Variants in ATP10D observed in about 807,000 individuals in gnomAD.
ATP10D encodes phospholipid-transporting ATPase VD.
ATP10D carries 89 observed loss-of-function variants against 144.8 expected under a neutral mutation model. That is an observed-to-expected ratio of 0.61 (90% confidence interval 0.52 to 0.73). The LOEUF is 0.73. Ranked by LOEUF, ATP10D falls within the 30% of genes least tolerant of loss-of-function variation. The pLI is 0.00. For synonymous variants in ATP10D, 571 were observed against 615.1 expected, an observed-to-expected ratio of 0.93 and a Z score of 1.06; for missense variants, 1,603 against 1,714.8, an observed-to-expected ratio of 0.93 and a Z score of 1.15.
In ATP10D at chr4:47,523,235, G is replaced by A; in HGVS notation, c.690+19G>A. The A allele has an allele frequency of 6.3e-7, 1 of 1,598,530 alleles. No homozygotes were observed. The highest frequency in any genetic ancestry group is 1.1e-5 in the South Asian group (1 of 90,648). On this transcript the variant is annotated intron_variant, in intron 4 of 22. Coordinates refer to ENST00000273859, the MANE Select transcript of ATP10D (RefSeq NM_020453.4). ...AGAACAGGTAAGTCATATGTTCTCAGTTAGTGGCTTATTAACATTTTTTTT... is the reference window on the plus strand; with the variant it reads ...AGAACAGGTAAGTCATATGTTCTCAATTAGTGGCTTATTAACATTTTTTTT...
At position 47,576,753 on chromosome 4, in the gene ATP10D, G is replaced by A. The variant is rs1415636300; in HGVS notation, c.3367-20G>A. The A allele has an allele frequency of 6.2e-7, 1 of 1,603,594 alleles. No individual in the cohort carries two copies. Among genetic ancestry groups the A allele is most frequent in the Admixed American group, 1.7e-5 (1 of 59,966 alleles). ...ACATTACTGATTCTAAGATCTGAAT[G>A]TCCTTCTTTGTGTCTCTAGGCCTAT... is the stretch of plus-strand genomic sequence containing the variant. On this transcript the variant is annotated intron_variant, in intron 18 of 22. Coordinates refer to ENST00000273859, the MANE Select transcript of ATP10D (RefSeq NM_020453.4).
At chr4:47,550,640 T>C (rs534338551) in intron 10 of ATP10D, among the ~76,000 whole-genome samples, 65 of 152,146 alleles carry the variant, frequency 4.3e-4, no homozygotes, top group African/African-American at 1.4e-3. Flanking sequence ...TCTTGGGCCA[T>C]GCCGTGAGTG....
At chr4:47,590,386 A>T (rs940034153) in intron 22 of ATP10D, among the ~76,000 whole-genome samples, 2 of 152,130 alleles carry the variant, frequency 1.3e-5, no homozygotes, top group African/African-American at 4.8e-5. Flanking sequence ...TATGCTCTGG[A>T]GAGAAGTCTG....
chr4:47,579,159 G>A (rs1720382679), intron 19 of ATP10D, among the ~76,000 whole-genome samples: 1 of 152,170 alleles, frequency 6.6e-6, no homozygotes, highest in South Asian at 2.1e-4. Flanking sequence ...CAACTTCAGA[G>A]TTGGCTCTTG....
In ATP10D at chr4:47,505,709, A is replaced by T. The variant is rs9985651; in HGVS notation, c.-37-6795A>T. Among the ~76,000 whole-genome samples the T allele has an allele frequency of 1.5e-3, 227 of 151,616 alleles. 2 individuals carry two copies. Among genetic ancestry groups the T allele is most frequent in the African/African-American group, 5.4e-3 (221 of 41,296 alleles). Reference sequence around the variant, plus strand: ...TGAGATCGAGCCACCCCACCACTACACTCCAGCATGGGCGACAGAGCAAGA... The same window carrying T: ...TGAGATCGAGCCACCCCACCACTACTCTCCAGCATGGGCGACAGAGCAAGA... On this transcript the variant is annotated intron_variant, in intron 1 of 22. Coordinates refer to ENST00000273859, the MANE Select transcript of ATP10D (RefSeq NM_020453.4).
At chr4:47,587,902 C>T (rs1361752625) in intron 22 of ATP10D, among the ~76,000 whole-genome samples, 2 of 152,186 alleles carry the variant, frequency 1.3e-5, no homozygotes, top group South Asian at 2.1e-4. Flanking sequence ...TCAGCTGATC[C>T]TCAGCCCTGC....
At chr4:47,531,148 G>A (rs1368697708) in intron 5 of ATP10D, among the ~76,000 whole-genome samples, 7 of 151,970 alleles carry the variant, frequency 4.6e-5, no homozygotes, top group Admixed American at 2.0e-4. Context: ...GCTTTTTGTT[G>A]TTGGTAGGTC....
chr4:47,572,064 G>A, intron 16 of ATP10D, 90 bp from the exon 17 acceptor site: 1 of 1,148,090 alleles, frequency 8.7e-7, no homozygotes, highest in Non-Finnish European at 1.3e-6. Flanking sequence ...GGATTTATTT[G>A]TTCACTTGAG....
intron 1 of ATP10D, among the ~76,000 whole-genome samples, chr4:47,494,638 A>G (rs763402297): frequency 2.0e-5 from 3 of 151,816 alleles, no homozygotes; most frequent in Non-Finnish European, 2.9e-5. Context: ...ATTAGAAATA[A>G]TCAGAAAGAA....
intron 1 of ATP10D, among the ~76,000 whole-genome samples, chr4:47,499,907 G>A (rs1483428880): frequency 1.3e-5 from 2 of 152,070 alleles, no homozygotes; most frequent in South Asian, 2.1e-4. Context: ...AGTTTCGTTA[G>A]TGTCCATTTT....
rs1717814043 is a variant in ATP10D at position 47,535,781 on chromosome 4, T to C, written c.884-121T>C. On this transcript the variant is annotated intron_variant, in intron 6 of 22. Transcript: ENST00000273859. ...AATGGATCACAAAAGCAGATTGAACTGACAAAATAGATCATGTAACTGTGT... is the reference window on the plus strand; with the variant it reads ...AATGGATCACAAAAGCAGATTGAACCGACAAAATAGATCATGTAACTGTGT... 3.0e-6 allele frequency: 4 copies of C among 1,353,364 alleles called. No homozygotes were observed. In the Admixed American group the frequency reaches 1.1e-4, roughly 37 times the overall value. The allele number at this position is 1,353,364 out of a possible 1,614,324, so 83.8% of individuals were successfully genotyped here. A position where few individuals can be genotyped will look rare whatever the true frequency, so the allele number is the denominator to read the frequency against.
chr4:47,555,564 G>A (rs1240747433), intron 11 of ATP10D, among the ~76,000 whole-genome samples: 2 of 152,126 alleles, frequency 1.3e-5, no homozygotes, highest in African/African-American at 4.8e-5. Flanking sequence ...TTTGAACCTA[G>A]GAAATACAGC....
intron 5 of ATP10D, among the ~76,000 whole-genome samples, chr4:47,529,667 A>G (rs1328278080): frequency 6.6e-6 from 1 of 151,956 alleles, no homozygotes; most frequent in African/African-American, 2.4e-5. Context: ...CTTTTTTCTA[A>G]TTCTGTGAAA....
intron 15 of ATP10D, among the ~76,000 whole-genome samples, chr4:47,565,132 G>A (rs1016790515): frequency 6.6e-6 from 1 of 151,890 alleles, no homozygotes; most frequent in Non-Finnish European, 1.5e-5. Flanking sequence ...CTAATTTTTT[G>A]TGTATTTTTA....
At position 47,523,052 on chromosome 4, in the gene ATP10D, A is replaced by G. The variant is rs1305498021; in HGVS notation, c.526A>G (p.Thr176Ala). Reference sequence around the variant, plus strand: ...CATTGACCGATGCTGGAAAGACGTTACTGTTGGGGACTTTATTCGCCTCTC... The same window carrying G: ...CATTGACCGATGCTGGAAAGACGTTGCTGTTGGGGACTTTATTCGCCTCTC... ...KYIDRCWKDVTVGDFIRLSCN... is the reference protein window; with the variant it reads ...KYIDRCWKDVAVGDFIRLSCN... The change falls in exon 4 of 23, where the codon ACT becomes GCT. Residue 176 changes from threonine (T) to alanine (A), a missense_variant. By Grantham distance (58) the Thr-to-Ala change is moderately conservative. Coordinates refer to ENST00000273859, the MANE Select transcript of ATP10D (RefSeq NM_020453.4). 6.2e-7 allele frequency: 1 copy of G among 1,613,512 alleles called. No homozygotes were observed. Among genetic ancestry groups the G allele is most frequent in the Non-Finnish European group, 8.5e-7 (1 of 1,179,814 alleles).
chr4:47,494,078 G>A (rs929654599), intron 1 of ATP10D, among the ~76,000 whole-genome samples: 2 of 152,240 alleles, frequency 1.3e-5, no homozygotes, highest in Middle Eastern at 3.4e-3. Flanking sequence ...ACAACAGTCA[G>A]AAACACAATG....
intron 10 of ATP10D, among the ~76,000 whole-genome samples, chr4:47,549,219 C>T (rs148746019): frequency 4.6e-5 from 7 of 152,338 alleles, no homozygotes; most frequent in African/African-American, 1.7e-4. Context: ...GTTTATTCTA[C>T]ACGAAATGCT....
intron 16 of ATP10D, 27 bp downstream of exon 16, chr4:47,569,173 C>T: frequency 6.3e-7 from 1 of 1,598,130 alleles, no homozygotes. Flanking sequence ...CTGAGTCCTG[C>T]TCTTCTCCCT....
intron 10 of ATP10D, among the ~76,000 whole-genome samples, chr4:47,554,360 A>G (rs1718869997): frequency 6.6e-6 from 1 of 152,214 alleles, no homozygotes; most frequent in Non-Finnish European, 1.5e-5. Context: ...TCATCAAGTG[A>G]TGGTGAATAA....
Sources: gnomAD v4.1 joint callset for allele counts (sites outside exome capture counted in the v4.1 genomes callset) on GRCh38, gnomAD v4.1.1 for gene constraint, MANE v1.5 for transcripts, NCBI Gene and HGNC (gene_info 2026-07-23, HGNC 2026-07-21) for gene names.